The following EEFSEC variants were observed in gnomAD, a reference collection of about 807,000 sequenced individuals.
EEFSEC encodes eukaryotic elongation factor, selenocysteine-tRNA specific.
In EEFSEC, 43 loss-of-function variants were observed where a neutral mutation model predicts 42.1. The observed-to-expected ratio is 1.02, with a 90% CI of 0.80 to 1.32. The LOEUF is 1.32. Among genes scored for constraint, EEFSEC ranks in the 40% most tolerant of loss-of-function variants. The pLI is 0.00. For missense variants in EEFSEC, 745 were observed against 803.6 expected (o/e 0.93, Z 0.88); for synonymous variants, 354 against 339.1 (o/e 1.04, Z -0.48).
chr3:128,184,584 A>C (rs2065445636), intron 1 of EEFSEC, among the ~76,000 whole-genome samples: 1 of 152,180 alleles, frequency 6.6e-6, no homozygotes, highest in Non-Finnish European at 1.5e-5. Context: ...GTAAGTATCT[A>C]TCAGTATATT....
intron 4 of EEFSEC, among the ~76,000 whole-genome samples, chr3:128,327,301 C>CG (rs2067075721): frequency 7.1e-6 from 1 of 139,910 alleles, no homozygotes; most frequent in Non-Finnish European, 1.5e-5. Flanking sequence ...TCCCCCCCCC[C>CG]CCAAGGTTGT....
intron 4 of EEFSEC, among the ~76,000 whole-genome samples, chr3:128,277,678 G>A (rs2066483114): frequency 6.6e-6 from 1 of 152,106 alleles, no homozygotes; most frequent in African/African-American, 2.4e-5. Flanking sequence ...GGTGAATCCC[G>A]ATTTGTGTGC....
At chr3:128,277,552 G>C (rs1317771291) in intron 4 of EEFSEC, among the ~76,000 whole-genome samples, 1 of 152,250 alleles carries the variant, frequency 6.6e-6, no homozygotes, top group Non-Finnish European at 1.5e-5. Flanking sequence ...GAGCCAGCCA[G>C]AGCTGTCTGT....
chr3:128,306,034 AATCGTCTC>A (rs1244195359), intron 4 of EEFSEC, among the ~76,000 whole-genome samples: 1 of 152,168 alleles, frequency 6.6e-6, no homozygotes, highest in African/African-American at 2.4e-5. Flanking sequence ...TTAATGAGAA[AATCGTCTC>A]ATTTCCAAGT....
At chr3:128,173,131 T>C (rs2065315448) in intron 1 of EEFSEC, among the ~76,000 whole-genome samples, 1 of 152,202 alleles carries the variant, frequency 6.6e-6, no homozygotes, top group Admixed American at 6.5e-5. Flanking sequence ...GTCCTGGCTT[T>C]TATTAGAAGG....
intron 6 of EEFSEC, among the ~76,000 whole-genome samples, chr3:128,371,503 G>A (rs1252617340): frequency 6.6e-6 from 1 of 152,204 alleles, no homozygotes; most frequent in East Asian, 1.9e-4. Flanking sequence ...ATATCCCCCA[G>A]TTGAGAACCA....
chr3:128,188,621 G>A (rs1045817706), intron 1 of EEFSEC, among the ~76,000 whole-genome samples: 9 of 152,176 alleles, frequency 5.9e-5, no homozygotes, highest in South Asian at 2.1e-4. Flanking sequence ...ACTCCAGTCC[G>A]TTGGTATTAT....
intron 1 of EEFSEC, among the ~76,000 whole-genome samples, chr3:128,184,504 C>A (rs1272355856): frequency 6.6e-6 from 1 of 151,852 alleles, no homozygotes; most frequent in African/African-American, 2.4e-5. Context: ...TCAGAATTTC[C>A]TTTTTTAAGG....
rs181181667 is a variant in EEFSEC, at chr3:128,202,060, C to T, written c.317-44776C>T. 9.9e-5 allele frequency among the ~76,000 whole-genome samples: 15 copies of T among 152,272 alleles called. No individual in the cohort carries two copies. In the East Asian group the frequency reaches 2.9e-3, roughly 29 times the overall value. ...ACTTTGATTTGTTTGTCTGTCTTCA[C>T]ACCAATATCGCACTGTCTTTATTAG... On this transcript the variant is annotated intron_variant, in intron 1 of 6. Transcript: ENST00000254730.
chr3:128,217,867 G>C (rs997355622), intron 1 of EEFSEC, among the ~76,000 whole-genome samples: 12 of 152,170 alleles, frequency 7.9e-5, no homozygotes, highest in Non-Finnish European at 1.6e-4. Flanking sequence ...CTATATTTCA[G>C]GGTTTGTGCC....
chr3:128,256,543 C>T (rs931372891), intron 2 of EEFSEC, among the ~76,000 whole-genome samples: 1 of 152,192 alleles, frequency 6.6e-6, no homozygotes, highest in Non-Finnish European at 1.5e-5. Context: ...GCAGCCGGGC[C>T]AGGCTGGTCT....
chr3:128,202,186 A>G (rs1320798237), intron 1 of EEFSEC, among the ~76,000 whole-genome samples: 2 of 152,214 alleles, frequency 1.3e-5, no homozygotes, highest in Admixed American at 1.3e-4. Flanking sequence ...GTAGTTCCAT[A>G]TAAATTTTAG....
intron 6 of EEFSEC, among the ~76,000 whole-genome samples, chr3:128,394,293 A>G (rs2067953346): frequency 6.6e-6 from 1 of 152,226 alleles, no homozygotes; most frequent in Non-Finnish European, 1.5e-5. Flanking sequence ...TTCCCCTGTC[A>G]GCAAGAGGAC....
intron 4 of EEFSEC, among the ~76,000 whole-genome samples, chr3:128,287,278 A>G (rs1043884029): frequency 1.3e-5 from 2 of 152,106 alleles, no homozygotes; most frequent in Non-Finnish European, 1.5e-5. Flanking sequence ...GAGAACTCAC[A>G]GTGATGCAGC....
intron 6 of EEFSEC, among the ~76,000 whole-genome samples, chr3:128,405,873 G>T (rs537917242): frequency 6.6e-6 from 1 of 152,342 alleles, no homozygotes; most frequent in South Asian, 2.1e-4. Context: ...TTGTGCACAT[G>T]GGGAGGGGAT....
intron 1 of EEFSEC, among the ~76,000 whole-genome samples, chr3:128,240,836 T>C (rs916814045): frequency 1.3e-5 from 2 of 152,220 alleles, no homozygotes; most frequent in Non-Finnish European, 2.9e-5. Context: ...TGGGTGGCTT[T>C]GGGCAAGTTA....
At chr3:128,370,666 T>C (rs1447955110) in intron 6 of EEFSEC, among the ~76,000 whole-genome samples, 2 of 152,226 alleles carry the variant, frequency 1.3e-5, no homozygotes, top group Admixed American at 1.3e-4. Context: ...AGCCCAGCTC[T>C]GTTTCAGCCA....
intron 6 of EEFSEC, among the ~76,000 whole-genome samples, chr3:128,376,306 C>T (rs2067709343): frequency 6.6e-6 from 1 of 152,228 alleles, no homozygotes. Context: ...CAGGTGTTTG[C>T]TGCAAGCAGG....
chr3:128,215,141 A>G (rs1420150471), intron 1 of EEFSEC, among the ~76,000 whole-genome samples: 4 of 152,048 alleles, frequency 2.6e-5, no homozygotes, highest in Non-Finnish European at 2.9e-5. Flanking sequence ...CACATTTGGG[A>G]TCTCAATTAT....
Sources: allele counts gnomAD v4.1 joint callset (sites outside exome capture counted in the v4.1 genomes callset), GRCh38; gene constraint gnomAD v4.1.1; transcripts MANE v1.5; gene names NCBI Gene and HGNC (gene_info 2026-07-23, HGNC 2026-07-21).